The following PRKN variants were observed in gnomAD, a reference collection of about 807,000 sequenced individuals.
PRKN encodes the protein parkin RBR E3 ubiquitin protein ligase.
Under a neutral mutation model 59.5 loss-of-function variants are expected in PRKN, and 56 were observed. That is an observed-to-expected ratio of 0.94 (90% CI 0.76 to 1.18). PRKN has a LOEUF of 1.18. Ranked by LOEUF, PRKN falls within the 50% of genes most tolerant of loss-of-function variation. PRKN has a pLI of 0.00. For missense variants in PRKN, 657 were observed against 596.4 expected (o/e 1.10, Z -1.06); for synonymous variants, 250 against 222.1 (o/e 1.13, Z -1.12).
At chr6:162,585,116 G>C (rs1196830098) in intron 1 of PRKN, among the ~76,000 whole-genome samples, 2 of 151,152 alleles carry the variant, frequency 1.3e-5, no homozygotes, top group Non-Finnish European at 2.9e-5. Context: ...GGCCAGGCTG[G>C]TCTTGAACTC....
At chr6:162,395,547 C>T (rs557518072) in intron 2 of PRKN, among the ~76,000 whole-genome samples, 116 of 152,274 alleles carry the variant, frequency 7.6e-4, no homozygotes, top group African/African-American at 2.6e-3. Flanking sequence ...AAGAATCGCC[C>T]AGCAGTCTCT....
At chr6:162,279,418 AAGG>A (rs1780783055) in intron 2 of PRKN, among the ~76,000 whole-genome samples, 1 of 151,666 alleles carries the variant, frequency 6.6e-6, no homozygotes, top group Non-Finnish European at 1.5e-5. Context: ...AGAAAGAAAG[AAGG>A]AAAGAAAGAA....
At chr6:161,648,295 T>C (rs893414184) in intron 7 of PRKN, among the ~76,000 whole-genome samples, 1 of 152,234 alleles carries the variant, frequency 6.6e-6, no homozygotes, top group Non-Finnish European at 1.5e-5. Flanking sequence ...CTCAGTAGTA[T>C]GTAGACAAAG....
chr6:162,096,185 A>G (rs1779722160), intron 4 of PRKN, among the ~76,000 whole-genome samples: 1 of 152,124 alleles, frequency 6.6e-6, no homozygotes, highest in Admixed American at 6.5e-5. Flanking sequence ...TCAGAACCCG[A>G]GGATTTGTTT....
At chr6:162,664,125 T>C (rs1291902024) in intron 1 of PRKN, among the ~76,000 whole-genome samples, 4 of 152,144 alleles carry the variant, frequency 2.6e-5, no homozygotes, top group South Asian at 2.1e-4. Context: ...CTCCCACCTA[T>C]GAGTGGGAAC....
chr6:161,885,451 T>A (rs1426154847), intron 6 of PRKN, among the ~76,000 whole-genome samples: 1 of 151,960 alleles, frequency 6.6e-6, no homozygotes, highest in East Asian at 1.9e-4. Flanking sequence ...GATCACGAGG[T>A]CAGGAGATAG....
At chr6:161,816,446 C>T (rs922606725) in intron 6 of PRKN, among the ~76,000 whole-genome samples, 8 of 151,934 alleles carry the variant, frequency 5.3e-5, no homozygotes, top group South Asian at 2.1e-4. Flanking sequence ...GTGGTCTTAC[C>T]GGTGTATACA....
intron 3 of PRKN, among the ~76,000 whole-genome samples, chr6:162,230,216 T>C (rs1156613316): frequency 6.6e-6 from 1 of 152,240 alleles, no homozygotes; most frequent in Non-Finnish European, 1.5e-5. Context: ...ATTTTTATAT[T>C]ATTGGCCTAT....
chr6:161,935,149 A>G (rs925013694), intron 6 of PRKN, among the ~76,000 whole-genome samples: 1 of 152,140 alleles, frequency 6.6e-6, no homozygotes, highest in African/African-American at 2.4e-5. Flanking sequence ...GTTCACAGAA[A>G]ATGCATATTA....
intron 7 of PRKN, among the ~76,000 whole-genome samples, chr6:161,766,394 A>G (rs1008702564): frequency 2.1e-5 from 3 of 144,732 alleles, no homozygotes; most frequent in Admixed American, 7.1e-5. Flanking sequence ...TGCAACCTCC[A>G]CCTCCCGGGT....
chr6:161,785,937 T>C (rs998527937), intron 6 of PRKN, 29 bp from the exon 7 acceptor site: 2 of 1,612,902 alleles, frequency 1.2e-6, no homozygotes, highest in Non-Finnish European at 1.7e-6. Flanking sequence ...ATGTTTCCTC[T>C]AGTACCTGTC....
chr6:162,343,061 TTAGAAAAACAA>T (rs1278850616), intron 2 of PRKN, among the ~76,000 whole-genome samples: 1 of 152,154 alleles, frequency 6.6e-6, no homozygotes, highest in African/African-American at 2.4e-5. Context: ...CGAGTTTGTT[TTAGAAAAACAA>T]TAGGAAAACC....
chr6:162,090,709 G>T lies in PRKN; in HGVS notation c.535-36535C>A, dbSNP rs147399851. Reference sequence around the variant, plus strand: ...TGATAACTTTGCAATGATGTAGGACGATGTTTCAGACAAAATATGAAGCCA... The same window carrying T: ...TGATAACTTTGCAATGATGTAGGACTATGTTTCAGACAAAATATGAAGCCA... On this transcript the variant is annotated intron_variant, in intron 4 of 11. Transcript: ENST00000366898. Among the ~76,000 whole-genome samples the T allele has an allele frequency of 2.3e-3, 352 of 152,170 alleles. 2 individuals carry two copies. Among genetic ancestry groups the T allele is most frequent in the Non-Finnish European group, 2.9e-3 (199 of 68,004 alleles).
At chr6:162,568,034 G>GT (rs1255775548) in intron 1 of PRKN, among the ~76,000 whole-genome samples, 5 of 152,168 alleles carry the variant, frequency 3.3e-5, no homozygotes, top group Admixed American at 6.5e-5. Context: ...TCTTCAGTAA[G>GT]TGGTGCTGAG....
intron 6 of PRKN, among the ~76,000 whole-genome samples, chr6:161,811,167 C>T (rs867722055): frequency 5.9e-5 from 9 of 152,184 alleles, no homozygotes; most frequent in Non-Finnish European, 1.0e-4. Flanking sequence ...AAATCTCAGG[C>T]CTTAAACTTC....
chr6:162,318,833 C>A (rs1187957910), intron 2 of PRKN, among the ~76,000 whole-genome samples: 2 of 151,964 alleles, frequency 1.3e-5, no homozygotes, highest in African/African-American at 4.8e-5. Flanking sequence ...AAAACACAAA[C>A]AGGTGACTTT....
chr6:161,590,262 A>G (rs1781668817), intron 7 of PRKN, among the ~76,000 whole-genome samples: 1 of 152,142 alleles, frequency 6.6e-6, no homozygotes, highest in Admixed American at 6.5e-5. Flanking sequence ...CTGTGTGCCT[A>G]CTGAGAAGGG....
intron 6 of PRKN, among the ~76,000 whole-genome samples, chr6:161,946,570 G>T (rs1014796277): frequency 1.4e-4 from 21 of 152,054 alleles, no homozygotes; most frequent in African/African-American, 2.7e-4. Flanking sequence ...TTCTGAATCT[G>T]CTGAAGGGGT....
Position 162,049,039 on chromosome 6 carries a change from G to A in PRKN, c.618+5052C>T, listed in dbSNP as rs184734865. Among the ~76,000 whole-genome samples, 780 of 152,128 alleles carry A rather than the reference G, an allele frequency of 5.1e-3. 8 individuals carry two copies. Among genetic ancestry groups the A allele is most frequent in the African/African-American group, 0.017 (718 of 41,518 alleles). On this transcript the variant is annotated intron_variant, in intron 5 of 11. Coordinates refer to ENST00000366898, the MANE Select transcript of PRKN (RefSeq NM_004562.3). ...GTATGCTCCCTCCTAAAATAACAGC[G>A]ATTAGCATAAAGCTGAATTAGGTTC...
Sources: allele counts gnomAD v4.1 joint callset (sites outside exome capture counted in the v4.1 genomes callset), GRCh38; gene constraint gnomAD v4.1.1; transcripts MANE v1.5; gene names NCBI Gene and HGNC (gene_info 2026-07-23, HGNC 2026-07-21).